Variants in CNTN3 observed in about 807,000 individuals in gnomAD.
CNTN3 encodes the protein contactin-3.
CNTN3 carries 60 observed loss-of-function variants against 119.1 expected under a neutral mutation model. That is an observed-to-expected ratio of 0.50 (90% CI 0.41 to 0.62). The LOEUF (loss-of-function observed/expected upper bound fraction) is 0.62. Among genes scored for constraint, CNTN3 ranks in the 20% least tolerant of loss-of-function variants. CNTN3 has a pLI of 0.00. For missense variants in CNTN3, 1,101 were observed against 1,242.4 expected (o/e 0.89, Z 1.71); for synonymous variants, 450 against 438.7 (o/e 1.03, Z -0.32).
At chr3:74,535,253 T>C (rs751341699) in intron 1 of CNTN3, among the ~76,000 whole-genome samples, 5 of 152,070 alleles carry the variant, frequency 3.3e-5, no homozygotes, top group Non-Finnish European at 7.4e-5. Context: ...TTCACACCTA[T>C]TAGGGGCTGT....
At chr3:74,449,070 C>T (rs1040984525) in intron 4 of CNTN3, among the ~76,000 whole-genome samples, 6 of 151,932 alleles carry the variant, frequency 3.9e-5, no homozygotes, top group Admixed American at 2.0e-4. Context: ...CTGTGCTTGT[C>T]CTATTTTATA....
At chr3:74,519,668 T>G (rs1052153875) in intron 2 of CNTN3, among the ~76,000 whole-genome samples, 5 of 151,692 alleles carry the variant, frequency 3.3e-5, no homozygotes, top group Non-Finnish European at 7.4e-5. Context: ...AGATTATATT[T>G]GAAACTTTAT....
Position 74,614,465 on chromosome 3 carries a change from A to ACCGCCG in CNTN3, c.-161_-156dup, listed in dbSNP as rs979058064. ...CGCCGCCGCCGCCGCCGCCGCCGCC[A>ACCGCCG]CCGCCGCCGCCGCAGTTAGTCCGGG... On this transcript the variant is annotated 5_prime_UTR_variant, in exon 1 of 23. Coordinates refer to ENST00000263665, the MANE Select transcript of CNTN3 (RefSeq NM_020872.3). Among the ~76,000 whole-genome samples the ACCGCCG allele has an allele frequency of 2.2e-5, 2 of 89,496 alleles. No homozygotes were observed. Among genetic ancestry groups the ACCGCCG allele is most frequent in the East Asian group, 2.8e-4 (1 of 3,598 alleles). 58.7% of individuals were successfully genotyped at this position (89,496 alleles called of 152,430 possible). A position where few individuals can be genotyped will look rare whatever the true frequency, so the allele number is the denominator to read the frequency against.
At chr3:74,307,114 G>T (rs1230064581) in intron 13 of CNTN3, among the ~76,000 whole-genome samples, 1 of 152,074 alleles carries the variant, frequency 6.6e-6, no homozygotes, top group Admixed American at 6.6e-5. Flanking sequence ...CATGTGCAAA[G>T]ACCTAAGGTA....
intron 3 of CNTN3, among the ~76,000 whole-genome samples, chr3:74,496,630 T>C (rs557114235): frequency 1.6e-4 from 25 of 152,166 alleles, no homozygotes; most frequent in South Asian, 1.2e-3. Flanking sequence ...CATTAGTTGA[T>C]TGGACATTTC....
chr3:74,316,847 G>A (rs1273664507), intron 13 of CNTN3, among the ~76,000 whole-genome samples: 3 of 151,428 alleles, frequency 2.0e-5, no homozygotes, highest in Admixed American at 6.6e-5. Flanking sequence ...AGAATGGCGT[G>A]AACCTGGGAG....
At chr3:74,578,018 A>G (rs1704445621) in intron 1 of CNTN3, among the ~76,000 whole-genome samples, 1 of 151,998 alleles carries the variant, frequency 6.6e-6, no homozygotes, top group Non-Finnish European at 1.5e-5. Flanking sequence ...TTTCTAATAA[A>G]CCCCTGCCAA....
At chr3:74,542,764 G>A (rs1703859768) in intron 1 of CNTN3, among the ~76,000 whole-genome samples, 1 of 151,948 alleles carries the variant, frequency 6.6e-6, no homozygotes, top group Admixed American at 6.6e-5. Flanking sequence ...TCCTGCTTAC[G>A]GCTTTCTACT....
chr3:74,346,534 G>A (rs766710513), intron 11 of CNTN3, among the ~76,000 whole-genome samples: 2 of 152,158 alleles, frequency 1.3e-5, no homozygotes, highest in African/African-American at 2.4e-5. Flanking sequence ...ATGGGTCATA[G>A]TACAAAATGA....
At chr3:74,422,638 T>A (rs546501779) in intron 5 of CNTN3, among the ~76,000 whole-genome samples, 1 of 152,308 alleles carries the variant, frequency 6.6e-6, no homozygotes, top group South Asian at 2.1e-4. Context: ...AATGAATGTA[T>A]CTAATCATAA....
chr3:74,395,658 G>C (rs114448415), intron 5 of CNTN3, among the ~76,000 whole-genome samples: 3,932 of 152,280 alleles, frequency 0.026, 177 homozygotes, highest in African/African-American at 0.09. Context: ...ATTGCCAGGA[G>C]TAAAATGTGA....
chr3:74,525,002 T>C (rs1430129260), intron 1 of CNTN3, among the ~76,000 whole-genome samples: 4 of 151,834 alleles, frequency 2.6e-5, no homozygotes, highest in African/African-American at 9.7e-5. Flanking sequence ...CAATCTTGTA[T>C]GTCTGGCTAA....
chr3:74,375,783 G>C (rs983402807), intron 5 of CNTN3, among the ~76,000 whole-genome samples: 2 of 152,174 alleles, frequency 1.3e-5, no homozygotes, highest in Non-Finnish European at 2.9e-5. Context: ...ACATAGGCCT[G>C]CCAATTTCTT....
At chr3:74,288,159 C>CTTTTCTTTTTTTTTTTTT (rs1487942663) in intron 19 of CNTN3, among the ~76,000 whole-genome samples, 2 of 90,376 alleles carry the variant, frequency 2.2e-5, no homozygotes, top group African/African-American at 6.7e-5. Context: ...CTTTTCTTTT[C>CTTTTCTTTTTTTTTTTTT]TTTTTTTTTT....
rs1702045568 is a variant in CNTN3 at position 74,446,206 on chromosome 3, A to T, written c.359-21266T>A. ...TTTCCTCATATGTAAGATGGTAGTA[A>T]TACGTACCTGAACTACCTCAGGAGG... On this transcript the variant is annotated intron_variant, in intron 4 of 22. Coordinates refer to ENST00000263665, the MANE Select transcript of CNTN3 (RefSeq NM_020872.3). 1.3e-5 allele frequency among the ~76,000 whole-genome samples: 2 copies of T among 152,198 alleles called. 1 individual carries two copies. Among genetic ancestry groups the T allele is most frequent in the African/African-American group, 4.8e-5 (2 of 41,436 alleles).
intron 1 of CNTN3, among the ~76,000 whole-genome samples, chr3:74,602,115 GCCTGGAAGTACAAAAAA>G (rs1417467952): frequency 6.6e-6 from 1 of 151,428 alleles, no homozygotes; most frequent in East Asian, 2.0e-4. Context: ...TTCGAGACCA[GCCTGGAAGTACAAAAAA>G]TTAAAAATTA....
intron 1 of CNTN3, among the ~76,000 whole-genome samples, chr3:74,543,648 G>A (rs962674426): frequency 4.6e-5 from 7 of 151,956 alleles, no homozygotes; most frequent in South Asian, 2.1e-4. Context: ...CACATTTTAC[G>A]TATAGATATT....
intron 1 of CNTN3, among the ~76,000 whole-genome samples, chr3:74,548,888 G>A (rs963332213): frequency 6.6e-6 from 1 of 152,094 alleles, no homozygotes; most frequent in Non-Finnish European, 1.5e-5. Flanking sequence ...ATTCATTTGG[G>A]ATAGACAACA....
chr3:74,393,300 C>T (rs1704960652), intron 5 of CNTN3, among the ~76,000 whole-genome samples: 2 of 152,200 alleles, frequency 1.3e-5, no homozygotes, highest in Admixed American at 1.3e-4. Context: ...TGTATGACTG[C>T]AAGCCAGAAT....
Sources: gnomAD v4.1 joint callset for allele counts (sites outside exome capture counted in the v4.1 genomes callset) on GRCh38, gnomAD v4.1.1 for gene constraint, MANE v1.5 for transcripts, NCBI Gene and HGNC (gene_info 2026-07-23, HGNC 2026-07-21) for gene names.